The following CORO2A variants were observed in gnomAD, a reference collection of about 807,000 sequenced individuals.
CORO2A encodes coronin-2A.
Under a neutral mutation model 62.4 loss-of-function variants are expected in CORO2A, and 47 were observed. That is an observed-to-expected ratio of 0.75 (90% CI 0.60 to 0.96). The LOEUF is 0.96. CORO2A is among the 40% of genes least tolerant of loss of function. The pLI, the probability that CORO2A is intolerant of heterozygous loss-of-function variation, is 0.00. For missense variants in CORO2A, 610 were observed against 684.1 expected (o/e 0.89, Z 1.21); for synonymous variants, 273 against 268.9 (o/e 1.02, Z -0.15).
In CORO2A at chr9:98,130,946, C is replaced by T. The variant is rs766992834; in HGVS notation, c.870+9G>A. On this transcript the variant is annotated intron_variant, in intron 7 of 11. Transcript: ENST00000375077. ...CCAGGAGGTCACCTCCCTCCCGTGCCAAGCCGACCTTCCCCACCACGTAGA... is the reference window on the plus strand; with the variant it reads ...CCAGGAGGTCACCTCCCTCCCGTGCTAAGCCGACCTTCCCCACCACGTAGA... 1.2e-6 allele frequency: 2 copies of T among 1,611,864 alleles called. No individual in the cohort carries two copies. Among genetic ancestry groups the T allele is most frequent in the Non-Finnish European group, 1.7e-6 (2 of 1,178,970 alleles).
chr9:98,128,456 C>T (rs117118825), intron 9 of CORO2A, 151 bp downstream of exon 9: 18 of 764,386 alleles, frequency 2.4e-5, no homozygotes, highest in African/African-American at 6.9e-5. Flanking sequence ...GGACTCCTGA[C>T]GCCCACTGAT....
chr9:98,186,716 A>C (rs943814977), intron 1 of CORO2A, among the ~76,000 whole-genome samples: 2 of 152,166 alleles, frequency 1.3e-5, no homozygotes, highest in African/African-American at 4.8e-5. Context: ...TATGTACCCT[A>C]TAGGTTGTTA....
intron 1 of CORO2A, among the ~76,000 whole-genome samples, chr9:98,183,480 T>G (rs1374649822): frequency 6.6e-6 from 1 of 152,230 alleles, no homozygotes; most frequent in Non-Finnish European, 1.5e-5. Context: ...CCCTGCAGCC[T>G]GCTGATGTCA....
At chr9:98,127,668 G>T (rs1249586553) in intron 10 of CORO2A, among the ~76,000 whole-genome samples, 1 of 151,978 alleles carries the variant, frequency 6.6e-6, no homozygotes, top group Non-Finnish European at 1.5e-5. Context: ...CGAAAAATTA[G>T]CTGGGCATGG....
At chr9:98,131,948 C>A (rs942739334) in intron 6 of CORO2A, among the ~76,000 whole-genome samples, 1 of 152,162 alleles carries the variant, frequency 6.6e-6, no homozygotes, top group African/African-American at 2.4e-5. Flanking sequence ...CCTCCTCTAG[C>A]CAACGGACTC....
At chr9:98,134,739 T>C in intron 4 of CORO2A, 67 bp downstream of exon 4, 1 of 1,475,410 alleles carries the variant, frequency 6.8e-7, no homozygotes, top group South Asian at 1.3e-5. Flanking sequence ...ACAGAATACA[T>C]TTCCATTGTA....
intron 2 of CORO2A, among the ~76,000 whole-genome samples, chr9:98,140,273 G>A (rs543039212): frequency 6.6e-6 from 1 of 152,298 alleles, no homozygotes; most frequent in South Asian, 2.1e-4. Flanking sequence ...GACAGGTGCT[G>A]TTGGAGGGGC....
intron 7 of CORO2A, 137 bp downstream of exon 7, chr9:98,130,818 G>A (rs1827393341): frequency 4.5e-6 from 3 of 672,304 alleles, no homozygotes. Context: ...AGGAGGGTGG[G>A]AGGGGTTCCT....
chr9:98,187,442 G>C (rs909601477), intron 1 of CORO2A, among the ~76,000 whole-genome samples: 2 of 138,620 alleles, frequency 1.4e-5, no homozygotes, highest in Non-Finnish European at 3.1e-5. Flanking sequence ...CTAGGCGGCT[G>C]GGCGAAACTC....
chr9:98,174,064 G>A (rs1424754200), intron 1 of CORO2A, among the ~76,000 whole-genome samples: 2 of 151,788 alleles, frequency 1.3e-5, no homozygotes, highest in African/African-American at 4.8e-5. Flanking sequence ...CCGAGATTGC[G>A]CCATTGCACT....
At chr9:98,155,342 A>ATTTTTTTTTTTTTT (rs11379239) in intron 2 of CORO2A, among the ~76,000 whole-genome samples, 1 of 101,862 alleles carries the variant, frequency 9.8e-6, no homozygotes, top group African/African-American at 3.9e-5. Flanking sequence ...TTATTGCTCA[A>ATTTTTTTTTTTTTT]TTTTTTTTTT....
chr9:98,191,750 C>T (rs1045544475), intron 1 of CORO2A, among the ~76,000 whole-genome samples: 5 of 152,216 alleles, frequency 3.3e-5, no homozygotes, highest in Non-Finnish European at 5.9e-5. Flanking sequence ...GACACAGCAC[C>T]TTGGCACTGT....
chr9:98,190,676 G>T (rs1197765674), intron 1 of CORO2A, among the ~76,000 whole-genome samples: 2 of 152,190 alleles, frequency 1.3e-5, no homozygotes, highest in Non-Finnish European at 2.9e-5. Flanking sequence ...TAAAGTCATA[G>T]CATGACTTTT....
Position 98,143,042 on chromosome 9 carries a change from G to C in CORO2A, c.202-5354C>G, listed in dbSNP as rs1437891930. Among the ~76,000 whole-genome samples the C allele has an allele frequency of 3.9e-5, 6 of 152,220 alleles. No homozygotes were observed. The East Asian group carries it at 9.6e-4, about 24-fold the overall frequency. On this transcript the variant is annotated intron_variant, in intron 2 of 11. Coordinates refer to ENST00000375077, the MANE Select transcript of CORO2A (RefSeq NM_052820.4). ...GGCCATTTCCACCTTCTGCCCATTA[G>C]GCCAGCACTCAGCCAGAAACAGGCT...
At chr9:98,191,879 G>A (rs1420515409) in intron 1 of CORO2A, among the ~76,000 whole-genome samples, 1 of 152,216 alleles carries the variant, frequency 6.6e-6, no homozygotes, top group Admixed American at 6.5e-5. Context: ...ACCTGGCCCG[G>A]GTGGGGAAGG....
At chr9:98,146,961 T>C (rs908071075) in intron 2 of CORO2A, among the ~76,000 whole-genome samples, 6 of 152,168 alleles carry the variant, frequency 3.9e-5, no homozygotes, top group Non-Finnish European at 5.9e-5. Context: ...GTAATGGATG[T>C]GGTTACTTAA....
At chr9:98,145,454 C>A (rs1463009139) in intron 2 of CORO2A, among the ~76,000 whole-genome samples, 1 of 152,170 alleles carries the variant, frequency 6.6e-6, no homozygotes, top group Non-Finnish European at 1.5e-5. Context: ...TGAACAAACC[C>A]CTAGAACTGG....
At chr9:98,128,303 C>T in intron 9 of CORO2A, 43 bp from the exon 10 acceptor site, 1 of 1,521,106 alleles carries the variant, frequency 6.6e-7, no homozygotes, top group Non-Finnish European at 9.1e-7. Flanking sequence ...GTAGGGTAGG[C>T]TGCTCAGATG....
intron 2 of CORO2A, among the ~76,000 whole-genome samples, chr9:98,150,166 C>T (rs780396357): frequency 6.6e-5 from 10 of 152,052 alleles, no homozygotes; most frequent in South Asian, 6.2e-4. Flanking sequence ...CTCCTGACCT[C>T]GTGATCTGCC....
Sources: allele counts gnomAD v4.1 joint callset (sites outside exome capture counted in the v4.1 genomes callset), GRCh38; gene constraint gnomAD v4.1.1; transcripts MANE v1.5; gene names NCBI Gene and HGNC (gene_info 2026-07-23, HGNC 2026-07-21).